LCORL: variants seen among roughly 807,000 people sequenced by gnomAD.
The protein encoded by LCORL is ligand dependent nuclear receptor corepressor like, also known as ligand-dependent nuclear receptor corepressor-like protein.
A neutral mutation model predicts 141.8 loss-of-function variants in LCORL; 41 were observed. The ratio of observed to expected loss-of-function variants is 0.29; its 90% CI spans 0.23 to 0.38. The LOEUF (loss-of-function observed/expected upper bound fraction) is 0.38, where lower values mean the gene tolerates loss of function less well. Ranked by LOEUF, LCORL falls within the 10% of genes least tolerant of loss-of-function variation. The probability of loss-of-function intolerance (pLI) is 1.00; values close to 1 mark genes in which losing one functional copy is unlikely to be tolerated. For missense variants in LCORL, 1,759 were observed against 2,035.0 expected, an observed-to-expected ratio of 0.86 and a Z score of 2.61; for synonymous variants, 618 against 694.1, an observed-to-expected ratio of 0.89 and a Z score of 1.72.
At chr4:17,970,829 A>G (rs896800799) in intron 2 of LCORL, among the ~76,000 whole-genome samples, 10 of 152,194 alleles carry the variant, frequency 6.6e-5, no homozygotes, top group African/African-American at 2.4e-4. Context: ...AGGACAGTTT[A>G]AGAAAACACA....
rs547748562 is a variant in LCORL, at chr4:17,985,607, C to T, written c.155-12722G>A. 1.3e-3 allele frequency among the ~76,000 whole-genome samples: 201 copies of T among 152,064 alleles called. 1 individual carries two copies. Among genetic ancestry groups the T allele is most frequent in the Non-Finnish European group, 2.2e-3 (151 of 67,878 alleles). ...TGCAACCCTGGCTTTTTTCTCATTTCCGTTTGGTAGATTTTCCTCCATCCT... is the reference window on the plus strand; with the variant it reads ...TGCAACCCTGGCTTTTTTCTCATTTTCGTTTGGTAGATTTTCCTCCATCCT... On this transcript the variant is annotated intron_variant, in intron 1 of 7. Coordinates refer to ENST00000635767, the Ensembl canonical transcript of LCORL.
At chr4:17,885,245 C>A (rs1179629316) in intron 6 of LCORL, among the ~76,000 whole-genome samples, 2 of 151,888 alleles carry the variant, frequency 1.3e-5, no homozygotes, top group Non-Finnish European at 2.9e-5. Context: ...TTCCACAAGA[C>A]TAATTTTTCT....
rs775544332 is a variant in LCORL at position 17,998,964 on chromosome 4, CAAAAAAAAA to C, written c.154+22625_154+22633del. ...TGGGTGACAGAGTGAGACCCTGTCT[CAAAAAAAAA>C]AAAAAAAAAAAAATATATATATATA... On this transcript the variant is annotated intron_variant, in intron 1 of 7. Transcript: ENST00000635767. Among the ~76,000 whole-genome samples, 246 of 44,820 alleles carry C rather than the reference CAAAAAAAAA, an allele frequency of 5.5e-3. 6 individuals are homozygous for C. Among genetic ancestry groups the C allele is most frequent in the South Asian group, 0.044 (57 of 1,298 alleles). The allele number at this position is 44,820 out of a possible 152,430, so 29.4% of individuals were successfully genotyped here. A position where few individuals can be genotyped will look rare whatever the true frequency, so the allele number is the denominator to read the frequency against.
At chr4:17,886,550 G>T (rs1344306893) in intron 5 of LCORL, among the ~76,000 whole-genome samples, 1 of 151,972 alleles carries the variant, frequency 6.6e-6, no homozygotes, top group Non-Finnish European at 1.5e-5. Context: ...GTACAAAATG[G>T]AGAGAATAGA....
intron 1 of LCORL, among the ~76,000 whole-genome samples, chr4:17,987,496 T>C (rs1256764855): frequency 2.6e-5 from 4 of 152,214 alleles, no homozygotes; most frequent in South Asian, 4.1e-4. Flanking sequence ...CTTTTTGCTA[T>C]TGTGAATAAC....
In LCORL at chr4:17,938,417, C is replaced by T. The variant is rs868195621; in HGVS notation, c.430+23486G>A. Among the ~76,000 whole-genome samples the T allele has an allele frequency of 4.7e-3, 586 of 123,450 alleles. 4 individuals are homozygous for T. The highest frequency in any genetic ancestry group is 0.016 in the African/African-American group (557 of 33,892). 81.0% of individuals were successfully genotyped at this position (123,450 alleles called of 152,430 possible). On this transcript the variant is annotated intron_variant, in intron 4 of 7. Coordinates refer to ENST00000635767, the Ensembl canonical transcript of LCORL. ...TACTTCATTTTGTAACTGTTTCTTT[C>T]TTTTTTTTTTTTTTTTGAGATGGAG...
At position 17,884,784 on chromosome 4, in the gene LCORL, G is replaced by A; in HGVS notation, c.776+1284C>T. 1 of 1,224,374 alleles carries A rather than the reference G, an allele frequency of 8.2e-7. No homozygotes were observed. The highest frequency in any genetic ancestry group is 1.1e-6 in the Non-Finnish European group (1 of 903,354). 75.8% of individuals were successfully genotyped at this position (1,224,374 alleles called of 1,614,324 possible). ...GGATGGAATGAAACGATGGTAAACTGATGCATGAGAGACTCTCACACAGCT... is the reference window on the plus strand; with the variant it reads ...GGATGGAATGAAACGATGGTAAACTAATGCATGAGAGACTCTCACACAGCT... On this transcript the variant is annotated intron_variant, in intron 6 of 7. Transcript: ENST00000635767. This position sits in a 1 kb window ranked among gnomAD's most constrained non-coding sequence, Gnocchi z 4.4.
intron 1 of LCORL, among the ~76,000 whole-genome samples, chr4:17,990,204 T>C (rs1241048662): frequency 6.7e-6 from 1 of 148,522 alleles, no homozygotes; most frequent in Non-Finnish European, 1.5e-5. Flanking sequence ...GTTCACGCCA[T>C]TCTCCTGCCT....
rs1577657592 is a variant in LCORL at position 17,989,606 on chromosome 4, G to A, written c.155-16721C>T. Among the ~76,000 whole-genome samples the A allele has an allele frequency of 2.0e-5, 3 of 152,154 alleles. No individual in the cohort carries two copies. In the South Asian group the frequency reaches 6.2e-4, roughly 32 times the overall value. Reference sequence around the variant, plus strand: ...GCCGCATCAGTAAAAACTTGACTGTGTACCCTCAATATCTTCATATATGTC... The same window carrying A: ...GCCGCATCAGTAAAAACTTGACTGTATACCCTCAATATCTTCATATATGTC... On this transcript the variant is annotated intron_variant, in intron 1 of 7. Coordinates refer to ENST00000635767, the Ensembl canonical transcript of LCORL.
chr4:17,968,668 A>G (rs900057991), intron 2 of LCORL, among the ~76,000 whole-genome samples: 1 of 152,212 alleles, frequency 6.6e-6, no homozygotes, highest in Non-Finnish European at 1.5e-5. Context: ...CAGTCTCTTC[A>G]CAACTACTTA....
intron 4 of LCORL, among the ~76,000 whole-genome samples, chr4:17,955,197 G>A (rs1712348107): frequency 6.6e-6 from 1 of 152,040 alleles, no homozygotes; most frequent in African/African-American, 2.4e-5. Flanking sequence ...AAATCCAAAG[G>A]GTATAATTTT....
chr4:17,974,799 G>T (rs1219833327), intron 1 of LCORL, among the ~76,000 whole-genome samples: 1 of 152,006 alleles, frequency 6.6e-6, no homozygotes, highest in Non-Finnish European at 1.5e-5. Context: ...AAACTATTTA[G>T]GCTATCGATT....
intron 4 of LCORL, among the ~76,000 whole-genome samples, chr4:17,940,722 C>T (rs553864880): frequency 5.9e-5 from 9 of 151,864 alleles, no homozygotes; most frequent in Non-Finnish European, 8.8e-5. Context: ...TACATTTCAA[C>T]CAAGGGTCAA....
chr4:17,964,964 G>A (rs1042175822), intron 2 of LCORL, among the ~76,000 whole-genome samples: 1 of 151,326 alleles, frequency 6.6e-6, no homozygotes, highest in Admixed American at 6.6e-5. Context: ...ATAGCTGTAC[G>A]GTTTCATAAA....
At chr4:17,850,658 G>T (rs1212003109) in intron 7 of LCORL, among the ~76,000 whole-genome samples, 1 of 151,052 alleles carries the variant, frequency 6.6e-6, no homozygotes, top group Non-Finnish European at 1.5e-5. Flanking sequence ...GGAGAAATAG[G>T]AACACTTTGA....
intron 5 of LCORL, among the ~76,000 whole-genome samples, chr4:17,903,912 A>T (rs1731242144): frequency 6.6e-6 from 1 of 152,154 alleles, no homozygotes; most frequent in South Asian, 2.1e-4. Flanking sequence ...ATGTCAAAGG[A>T]CTAGAGTTTC....
chr4:17,927,981 G>A (rs1478266053), intron 4 of LCORL, among the ~76,000 whole-genome samples: 1 of 152,100 alleles, frequency 6.6e-6, no homozygotes, highest in African/African-American at 2.4e-5. Context: ...AATAAAATAA[G>A]GTTTGCCCCT....
intron 4 of LCORL, among the ~76,000 whole-genome samples, chr4:17,956,919 T>C (rs557458936): frequency 2.0e-5 from 3 of 152,178 alleles, no homozygotes; most frequent in Admixed American, 2.0e-4. Context: ...AAATATTATG[T>C]ATCAGTACAA....
At chr4:17,930,919 T>C (rs911354694) in intron 4 of LCORL, among the ~76,000 whole-genome samples, 2 of 152,218 alleles carry the variant, frequency 1.3e-5, no homozygotes, top group Admixed American at 6.5e-5. Context: ...GATCTGATCT[T>C]AGAAGTTTTG....
Sources: allele counts gnomAD v4.1 joint callset (sites outside exome capture counted in the v4.1 genomes callset), GRCh38; gene constraint gnomAD v4.1.1; non-coding constraint Gnocchi (gnomAD v3.1); transcripts MANE v1.5; gene names NCBI Gene and HGNC (gene_info 2026-07-23, HGNC 2026-07-21).